Variants in SYNJ2 observed in about 807,000 individuals in gnomAD.
SYNJ2 encodes the protein synaptojanin 2.
Under a neutral mutation model 141.3 loss-of-function variants are expected in SYNJ2, and 116 were observed. The observed-to-expected ratio is 0.82, with a 90% CI of 0.71 to 0.96. The LOEUF (loss-of-function observed/expected upper bound fraction) is 0.96. Among genes scored for constraint, SYNJ2 ranks in the 40% least tolerant of loss-of-function variants. The pLI, the probability that SYNJ2 is intolerant of heterozygous loss-of-function variation, is 0.00. For missense variants in SYNJ2, 1,873 were observed against 1,934.8 expected, an observed-to-expected ratio of 0.97 and a Z score of 0.60; for synonymous variants, 745 against 777.7, an observed-to-expected ratio of 0.96 and a Z score of 0.70.
In SYNJ2 at chr6:158,081,502, G is replaced by T. The variant is rs370402501; in HGVS notation, c.2857G>T (p.Gly953Cys). The T allele has an allele frequency of 3.7e-6, 6 of 1,613,666 alleles. No homozygotes were observed. The highest frequency in any genetic ancestry group is 5.1e-6 in the Non-Finnish European group (6 of 1,179,922). The part of the protein sequence containing the change: ...HSALSVLDVD[G>C]MKVKGRAVKI... The stretch of plus-strand genomic sequence containing the variant: ...GGCTCTCAGTGTCCTGGACGTGGAC[G>T]GTATGAAGGTACGCTGTACTTGGCC... The change falls in exon 20 of 27, where the codon GGT (glycine) becomes TGT (cysteine). Residue 953 changes from glycine (G) to cysteine (C), a missense_variant. Gly to Cys is a radical substitution (Grantham distance 159). Transcript: ENST00000355585.
At chr6:158,069,473 G>A (rs1344957033) in intron 13 of SYNJ2, 60 bp from the exon 14 acceptor site, 5 of 1,571,022 alleles carry the variant, frequency 3.2e-6, no homozygotes, top group Non-Finnish European at 4.3e-6. Context: ...CATTTGGTAG[G>A]TGGGAGATAG....
rs541055831 is a variant in SYNJ2 at position 158,041,800 on chromosome 6, C to T, written c.712-1516C>T. Among the ~76,000 whole-genome samples, 92 of 152,372 alleles carry T rather than the reference C, an allele frequency of 6.0e-4. 3 individuals carry two copies. The South Asian group carries it at 0.018, about 29-fold the overall frequency. On this transcript the variant is annotated intron_variant, in intron 4 of 26. Coordinates refer to ENST00000355585, the MANE Select transcript of SYNJ2 (RefSeq NM_003898.4). ...CATAGCTCACTGCAGCCTCATCCTC[C>T]TGGGCTCAGGTGATCTTCTTGCCTC...
At chr6:157,996,757 G>A (rs1777646557) in intron 1 of SYNJ2, among the ~76,000 whole-genome samples, 1 of 152,138 alleles carries the variant, frequency 6.6e-6, no homozygotes, top group African/African-American at 2.4e-5. Flanking sequence ...TTAAAAGTGT[G>A]TGGCACCCAC....
At position 158,081,269 on chromosome 6, in the gene SYNJ2, G is replaced by A; in HGVS notation, c.2728G>A (p.Asp910Asn). The part of the protein sequence containing the change: ...TLEEKNEFPE[D>N]LRTELMQTLG... ...AGAAGAGAAAAACGAGTTTCCAGAG[G>A]ACCTGCGTACTGAGCTCATGCAGAC... The change falls in exon 19 of 27, where the codon GAC becomes AAC. Residue 910 changes from aspartate (D) to asparagine (N), a missense_variant. Asp to Asn is a conservative substitution (Grantham distance 23, BLOSUM62 1). Transcript: ENST00000355585. 1 of 1,614,068 alleles carries A rather than the reference G, an allele frequency of 6.2e-7. No individual in the cohort carries two copies. The highest frequency in any genetic ancestry group is 8.5e-7 in the Non-Finnish European group (1 of 1,180,008).
chr6:157,991,843 C>A (rs187191418), intron 1 of SYNJ2, among the ~76,000 whole-genome samples: 99 of 152,292 alleles, frequency 6.5e-4, no homozygotes, highest in Middle Eastern at 3.4e-3. Context: ...CTTGAGTCTA[C>A]CCTTTCCTAC....
At chr6:158,005,291 A>G (rs1453418715) in intron 1 of SYNJ2, among the ~76,000 whole-genome samples, 1 of 151,952 alleles carries the variant, frequency 6.6e-6, no homozygotes, top group Non-Finnish European at 1.5e-5. Context: ...GTTAGCCAGG[A>G]TGGTCTCAAT....
intron 1 of SYNJ2, among the ~76,000 whole-genome samples, chr6:158,011,462 A>G (rs899301580): frequency 6.6e-6 from 1 of 152,196 alleles, no homozygotes; most frequent in Admixed American, 6.5e-5. Context: ...GAGCTCCTGC[A>G]TTGTATAAGT....
intron 1 of SYNJ2, among the ~76,000 whole-genome samples, chr6:158,006,875 G>A (rs1385174929): frequency 9.9e-6 from 1 of 100,784 alleles, no homozygotes; most frequent in Non-Finnish European, 2.0e-5. Context: ...GTTTCACCAT[G>A]CTGGCCAGGC....
In SYNJ2 at chr6:158,029,032, G is replaced by A; in HGVS notation, c.485+6G>A. 1 of 1,613,724 alleles carries A rather than the reference G, an allele frequency of 6.2e-7. No individual in the cohort carries two copies. The highest frequency in any genetic ancestry group is 8.5e-7 in the Non-Finnish European group (1 of 1,179,716). On this transcript the variant is annotated splice_donor_region_variant and intron_variant, in intron 3 of 26. Coordinates refer to ENST00000355585, the MANE Select transcript of SYNJ2 (RefSeq NM_003898.4). ...TGGGGGAACTCCTTCTTCTGGTGAG[G>A]CCCTGGGTCCCCTGCAGAGGGTGGG...
At chr6:157,985,751 C>T (rs1369274631) in intron 1 of SYNJ2, among the ~76,000 whole-genome samples, 1 of 152,098 alleles carries the variant, frequency 6.6e-6, no homozygotes, top group Non-Finnish European at 1.5e-5. Context: ...GTTTACAGTG[C>T]GGGCTGTGTG....
rs1483922200 is a variant in SYNJ2, at chr6:158,040,442, T to C, written c.712-2874T>C. Among the ~76,000 whole-genome samples, 1 of 152,130 alleles carries C rather than the reference T, an allele frequency of 6.6e-6. No homozygotes were observed. Among genetic ancestry groups the C allele is most frequent in the Admixed American group, 6.5e-5 (1 of 15,270 alleles). On this transcript the variant is annotated intron_variant, in intron 4 of 26. Transcript: ENST00000355585. The surrounding 1 kb of genome is among the most constrained non-coding windows in gnomAD (Gnocchi z 4.2). Reference sequence around the variant, plus strand: ...TCCTTGGGAGGAAGCCTTGAGTCTTTTTGGCTCTGCTGAGTCATAGCTGGT... The same window carrying C: ...TCCTTGGGAGGAAGCCTTGAGTCTTCTTGGCTCTGCTGAGTCATAGCTGGT...
chr6:158,010,438 G>A (rs1583312355), intron 1 of SYNJ2, among the ~76,000 whole-genome samples: 1 of 152,224 alleles, frequency 6.6e-6, no homozygotes, highest in Admixed American at 6.5e-5. Flanking sequence ...CCTGCCTTCT[G>A]GGGTGGGGTG....
At chr6:158,064,246 GC>G (rs1781414282) in intron 9 of SYNJ2, among the ~76,000 whole-genome samples, 1 of 149,670 alleles carries the variant, frequency 6.7e-6, no homozygotes, top group African/African-American at 2.5e-5. Flanking sequence ...TGTCTGCATG[GC>G]CCCAGCTGCC....
chr6:158,056,118 G>A (rs189341681), intron 6 of SYNJ2, among the ~76,000 whole-genome samples: 19 of 152,188 alleles, frequency 1.2e-4, no homozygotes, highest in African/African-American at 4.1e-4. Context: ...TATTCTACCC[G>A]AAGCTGACCC....
At chr6:158,092,840 A>C (rs1298930642) in intron 25 of SYNJ2, 86 bp from the exon 26 acceptor site, 2 of 1,246,794 alleles carry the variant, frequency 1.6e-6, no homozygotes, top group Non-Finnish European at 2.2e-6. Context: ...AGTAAATGAC[A>C]CTTAGGATGT....
At chr6:157,986,502 A>T (rs755020491) in intron 1 of SYNJ2, among the ~76,000 whole-genome samples, 1 of 151,100 alleles carries the variant, frequency 6.6e-6, no homozygotes, top group African/African-American at 2.4e-5. Flanking sequence ...CCCGGCTAAT[A>T]TTTGTATTTT....
rs879457100 is a variant in SYNJ2 at position 158,064,850 on chromosome 6, C to T, written c.1384C>T (p.Arg462Trp). ...GGTGGGGAAGCTGAAGGATGGAGCC[C>T]GGTCCATGTCTCGAACCATCCAGTC... ...AKVGKLKDGA[R>W]SMSRTIQSNF... is the part of the protein sequence containing the mutation. The change falls in exon 11 of 27, where the codon CGG becomes TGG. Residue 462 changes from arginine to tryptophan, a missense_variant. By Grantham distance (101) the Arg-to-Trp change is moderately radical. Transcript: ENST00000355585. 1.3e-5 allele frequency: 21 copies of T among 1,610,464 alleles called. No homozygotes were observed. The highest frequency in any genetic ancestry group is 2.2e-5 in the East Asian group (1 of 44,782).
intron 7 of SYNJ2, among the ~76,000 whole-genome samples, chr6:158,060,479 G>C (rs1781152207): frequency 6.6e-6 from 1 of 152,214 alleles, no homozygotes; most frequent in South Asian, 2.1e-4. Context: ...ATCCCTTACA[G>C]AGAGAGCTCG....
chr6:158,085,932 A>T (rs1583502100), intron 22 of SYNJ2, among the ~76,000 whole-genome samples: 1 of 147,508 alleles, frequency 6.8e-6, no homozygotes, highest in East Asian at 2.0e-4. Flanking sequence ...CATAAGAAGG[A>T]CCTTTCTCTC....
Sources: allele counts gnomAD v4.1 joint callset (sites outside exome capture counted in the v4.1 genomes callset), GRCh38; gene constraint gnomAD v4.1.1; non-coding constraint Gnocchi (gnomAD v3.1); transcripts MANE v1.5; gene names NCBI Gene and HGNC (gene_info 2026-07-23, HGNC 2026-07-21).